NRXN1: variants seen among roughly 807,000 people sequenced by gnomAD.
NRXN1 encodes neurexin 1.
In NRXN1, 39 loss-of-function variants were observed where a neutral mutation model predicts 150.9. That is an observed-to-expected ratio of 0.26 (90% CI 0.20 to 0.34). The LOEUF (loss-of-function observed/expected upper bound fraction) is 0.34, where lower values mean the gene tolerates loss of function less well. Among genes scored for constraint, NRXN1 ranks in the 10% least tolerant of loss-of-function variants. The pLI is 1.00. For missense variants in NRXN1, 1,815 were observed against 1,949.9 expected, an observed-to-expected ratio of 0.93 and a Z score of 1.30; for synonymous variants, 924 against 757.0, an observed-to-expected ratio of 1.22 and a Z score of -3.62.
chr2:50,083,283 C>T (rs998149157), intron 19 of NRXN1, among the ~76,000 whole-genome samples: 1 of 152,218 alleles, frequency 6.6e-6, no homozygotes, highest in Non-Finnish European at 1.5e-5. Flanking sequence ...ATATCCTTTA[C>T]TTCTGTTTTA....
intron 17 of NRXN1, among the ~76,000 whole-genome samples, chr2:50,294,837 A>G (rs185191849): frequency 6.2e-4 from 95 of 152,302 alleles, no homozygotes; most frequent in African/African-American, 2.0e-3. Flanking sequence ...TACTTTATTA[A>G]AATACTAAAC....
chr2:50,941,179 T>C (rs1408383448), intron 2 of NRXN1, among the ~76,000 whole-genome samples: 1 of 152,182 alleles, frequency 6.6e-6, no homozygotes, highest in Non-Finnish European at 1.5e-5. Flanking sequence ...GATTTTAAGT[T>C]TCTTGAGACC....
chr2:50,705,971 T>C (rs943392050), intron 5 of NRXN1, among the ~76,000 whole-genome samples: 1 of 152,030 alleles, frequency 6.6e-6, no homozygotes, highest in Non-Finnish European at 1.5e-5. Flanking sequence ...AAAAATCACA[T>C]ATGGAGAAAA....
chr2:49,984,580 G>A (rs1680579159), intron 21 of NRXN1, among the ~76,000 whole-genome samples: 1 of 151,978 alleles, frequency 6.6e-6, no homozygotes, highest in Non-Finnish European at 1.5e-5. Flanking sequence ...GTAGTTCCTA[G>A]AGCTTGCACT....
At chr2:49,970,515 T>C (rs1677764339) in intron 21 of NRXN1, 1 of 152,106 alleles carries the variant, frequency 6.6e-6, no homozygotes, top group Non-Finnish European at 1.5e-5. Flanking sequence ...CCAATTTTTC[T>C]GTATACTGGA....
At chr2:50,678,047 G>T (rs544006414) in intron 5 of NRXN1, among the ~76,000 whole-genome samples, 1 of 151,934 alleles carries the variant, frequency 6.6e-6, no homozygotes, top group South Asian at 2.1e-4. Flanking sequence ...TATCAATTGG[G>T]TAAGGGTCTG....
chr2:50,078,088 TCAAAAGGTTTTTA>T (rs562770879), intron 19 of NRXN1, among the ~76,000 whole-genome samples: 158 of 152,218 alleles, frequency 1.0e-3, no homozygotes, highest in Middle Eastern at 6.8e-3. Flanking sequence ...GCTTCATACT[TCAAAAGGTTTTTA>T]CATTTATTTT....
At chr2:50,531,010 G>A (rs528962458) in intron 11 of NRXN1, among the ~76,000 whole-genome samples, 1 of 150,540 alleles carries the variant, frequency 6.6e-6, no homozygotes, top group Non-Finnish European at 1.5e-5. Context: ...AACCCTCAGT[G>A]GTAGAAATCA....
At chr2:50,976,547 C>T (rs953909094) in intron 2 of NRXN1, among the ~76,000 whole-genome samples, 2 of 151,840 alleles carry the variant, frequency 1.3e-5, no homozygotes, top group Admixed American at 6.6e-5. Context: ...AATTTCCATG[C>T]TATTTAATGT....
rs56052881 is a variant in NRXN1, at chr2:50,384,505, C to CAA, written c.3364+80935_3364+80936dup. Among the ~76,000 whole-genome samples, 498 of 55,890 alleles carry CAA rather than the reference C, an allele frequency of 8.9e-3. 19 individuals carry two copies. Among genetic ancestry groups the CAA allele is most frequent in the East Asian group, 0.05 (118 of 2,342 alleles). 36.7% of individuals were successfully genotyped at this position (55,890 alleles called of 152,430 possible). A position where few individuals can be genotyped will look rare whatever the true frequency, so the allele number is the denominator to read the frequency against. On this transcript the variant is annotated intron_variant, in intron 17 of 22. Transcript: ENST00000401669. ...TGAATGACAGAGCAAGACTCCATCT[C>CAA]AAAAAAAAAAAAAAAAAAAAAAAAA...
At position 50,542,222 on chromosome 2, in the gene NRXN1, G is replaced by A. The variant is rs912157280; in HGVS notation, c.1760-3586C>T. ...CTTGAACCTGGGAGGCAGAGGTTGC[G>A]GTGAGCCGAGATCACGCCATTGCAC... On this transcript the variant is annotated intron_variant, in intron 9 of 22. Transcript: ENST00000401669. Among the ~76,000 whole-genome samples, 9 of 152,100 alleles carry A rather than the reference G, an allele frequency of 5.9e-5. No homozygotes were observed. The South Asian group carries it at 1.7e-3, about 28-fold the overall frequency.
intron 17 of NRXN1, among the ~76,000 whole-genome samples, chr2:50,261,591 A>C (rs1428914966): frequency 1.3e-5 from 2 of 151,906 alleles, no homozygotes; most frequent in Non-Finnish European, 2.9e-5. Context: ...TATTGTATAA[A>C]AGTGATATGT....
At chr2:50,395,654 A>T (rs752566115) in intron 17 of NRXN1, among the ~76,000 whole-genome samples, 1 of 152,292 alleles carries the variant, frequency 6.6e-6, no homozygotes. Context: ...TTTATAGAAC[A>T]ACTTAACTTA....
chr2:50,332,995 C>A (rs944534624), intron 17 of NRXN1, among the ~76,000 whole-genome samples: 2 of 152,154 alleles, frequency 1.3e-5, no homozygotes, highest in Non-Finnish European at 1.5e-5. Flanking sequence ...CACCAACAAC[C>A]TCTACCTTTA....
chr2:50,699,746 C>G (rs1374711352), intron 5 of NRXN1, among the ~76,000 whole-genome samples: 1 of 151,930 alleles, frequency 6.6e-6, no homozygotes, highest in East Asian at 1.9e-4. Flanking sequence ...GCCTTTGGCC[C>G]AAGCAGAGGA....
chr2:50,784,334 G>C (rs541943266), intron 5 of NRXN1, among the ~76,000 whole-genome samples: 1 of 152,132 alleles, frequency 6.6e-6, no homozygotes, highest in Admixed American at 6.6e-5. Context: ...ATGTGCACAG[G>C]GTCCTGTGGG....
chr2:50,779,298 G>A (rs546826187), intron 5 of NRXN1, among the ~76,000 whole-genome samples: 32 of 152,286 alleles, frequency 2.1e-4, no homozygotes, highest in Admixed American at 3.9e-4. Flanking sequence ...GTGTTAGTTT[G>A]CTGAGAATGA....
intron 2 of NRXN1, among the ~76,000 whole-genome samples, chr2:50,957,353 T>C (rs1434966074): frequency 6.6e-6 from 1 of 152,138 alleles, no homozygotes; most frequent in Non-Finnish European, 1.5e-5. Flanking sequence ...AAATTTTTTA[T>C]GAGGTTATAA....
At chr2:50,689,975 C>T (rs1410671831) in intron 5 of NRXN1, among the ~76,000 whole-genome samples, 1 of 151,716 alleles carries the variant, frequency 6.6e-6, no homozygotes, top group East Asian at 2.0e-4. Flanking sequence ...CAACCTCTGC[C>T]TCTGGGGCTC....
Sources: allele counts gnomAD v4.1 joint callset (sites outside exome capture counted in the v4.1 genomes callset), GRCh38; gene constraint gnomAD v4.1.1; transcripts MANE v1.5; gene names NCBI Gene and HGNC (gene_info 2026-07-23, HGNC 2026-07-21).